SYNPO: variants seen among roughly 807,000 people sequenced by gnomAD.
SYNPO encodes synaptopodin.
In SYNPO, 19 loss-of-function variants were observed where a neutral mutation model predicts 49.5. That is an observed-to-expected ratio of 0.38 (90% confidence interval 0.27 to 0.56). SYNPO has a LOEUF of 0.56. Ranked by LOEUF, SYNPO falls within the 20% of genes least tolerant of loss-of-function variation. SYNPO has a pLI of 0.68. For synonymous variants in SYNPO, 536 were observed against 548.0 expected (o/e 0.98, Z 0.31); for missense variants, 1,131 against 1,248.3 (o/e 0.91, Z 1.42).
chr5:150,605,101 C>T (rs1474136196), intron 1 of SYNPO, among the ~76,000 whole-genome samples: 1 of 152,206 alleles, frequency 6.6e-6, no homozygotes, highest in African/African-American at 2.4e-5. Context: ...GCTCAATGAA[C>T]ACTCCTCTAG....
upstream of SYNPO, among the ~76,000 whole-genome samples, chr5:150,635,958 G>C (rs1230761146): frequency 6.6e-6 from 1 of 152,096 alleles, no homozygotes; most frequent in Non-Finnish European, 1.5e-5. Context: ...GATGGCTTTG[G>C]TTATCATATC....
chr5:150,630,876 C>G (rs150030067), intron 2 of SYNPO, among the ~76,000 whole-genome samples: 140 of 152,308 alleles, frequency 9.2e-4, no homozygotes, highest in African/African-American at 3.2e-3. Flanking sequence ...CTCTGGGCCT[C>G]AAACATTGAC....
At chr5:150,644,989 G>A (rs562743126) in intron 1 of SYNPO, among the ~76,000 whole-genome samples, 27 of 152,308 alleles carry the variant, frequency 1.8e-4, no homozygotes, top group African/African-American at 6.0e-4. Context: ...GAAGAAGGAG[G>A]TTGGGGCCAG....
the SYNPO span, among the ~76,000 whole-genome samples, chr5:150,588,469 C>T: frequency 2.0e-5 from 3 of 152,176 alleles, no homozygotes; most frequent in South Asian, 2.1e-4. Flanking sequence ...CTGTCCCCAC[C>T]CAGAGGAAAA....
At chr5:150,603,200 T>C (rs1756597203) in intron 1 of SYNPO, among the ~76,000 whole-genome samples, 2 of 152,250 alleles carry the variant, frequency 1.3e-5, no homozygotes, top group South Asian at 2.1e-4. Context: ...AAGTGCTTTG[T>C]CCGGCCTCAG....
At chr5:150,602,535 C>T (rs919747392) in intron 1 of SYNPO, among the ~76,000 whole-genome samples, 2 of 152,210 alleles carry the variant, frequency 1.3e-5, no homozygotes, top group African/African-American at 2.4e-5. Context: ...AGCCGGGGAT[C>T]AGGAGAAGAT....
intron 1 of SYNPO, among the ~76,000 whole-genome samples, chr5:150,605,137 C>A (rs1018360111): frequency 6.6e-6 from 1 of 152,184 alleles, no homozygotes; most frequent in East Asian, 1.9e-4. Flanking sequence ...GAGGCCTTTG[C>A]TCCTCAAATT....
Position 150,657,057 on chromosome 5 carries a change from C to T in SYNPO, c.2682C>T (p.Ser894=). Residue 894 remains serine (S), a synonymous_variant, in exon 3 of 3, where the codon AGC becomes AGT. Coordinates refer to ENST00000307662, the MANE Select transcript of SYNPO (RefSeq NM_007286.6). ...GCAGCCTTCGGCTCAAGCGTGGCAG[C>T]CTCCCCGCCGAGGCCTCCTGCACCA... is the stretch of plus-strand genomic sequence containing the variant. ...WNGSLRLKRG[S]LPAEASCTT is the part of the protein sequence containing the mutation. 1.3e-6 allele frequency: 2 copies of T among 1,595,386 alleles called. No individual in the cohort carries two copies.
At chr5:150,638,565 G>T (rs1451871956), upstream of SYNPO, among the ~76,000 whole-genome samples, 2 of 152,220 alleles carry the variant, frequency 1.3e-5, no homozygotes, top group Non-Finnish European at 2.9e-5. Flanking sequence ...CCCCTCCTGG[G>T]TGATGGCTTC....
intron 1 of SYNPO, among the ~76,000 whole-genome samples, chr5:150,614,317 T>C (rs1227668074): frequency 6.6e-6 from 1 of 152,142 alleles, no homozygotes; most frequent in East Asian, 1.9e-4. Flanking sequence ...GCAGAAGGGA[T>C]GCCAGGGCCC....
chr5:150,635,693 C>G, upstream of SYNPO, among the ~76,000 whole-genome samples: 1 of 152,184 alleles, frequency 6.6e-6, no homozygotes, highest in East Asian at 1.9e-4. Flanking sequence ...GAACTCCTGA[C>G]CTCAAGTGAT....
At chr5:150,652,483 C>T (rs942516416) in intron 2 of SYNPO, 15 of 870,566 alleles carry the variant, frequency 1.7e-5, no homozygotes, top group South Asian at 1.6e-4. Context: ...CTGCACCTGC[C>T]GTGTGTCTGG....
chr5:150,647,565 G>A (rs1333107778), intron 1 of SYNPO, among the ~76,000 whole-genome samples: 1 of 152,202 alleles, frequency 6.6e-6, no homozygotes, highest in East Asian at 1.9e-4. Context: ...AGCCAGTGTG[G>A]CAGAGCCTAG....
Position 150,649,617 on chromosome 5 carries a change from G to C in SYNPO, c.1342G>C (p.Val448Leu), listed in dbSNP as rs766296237. 6.2e-7 allele frequency: 1 copy of C among 1,609,200 alleles called. No homozygotes were observed. Among genetic ancestry groups the C allele is most frequent in the Non-Finnish European group, 8.5e-7 (1 of 1,179,502 alleles). ...DRASPAAAEE[V>L]VPEWASCLKS... is the part of the protein sequence containing the mutation. ...GGCCAGCCCCGCGGCGGCGGAGGAGGTGGTACCAGAGTGGGCCTCCTGCCT... is the reference window on the plus strand; with the variant it reads ...GGCCAGCCCCGCGGCGGCGGAGGAGCTGGTACCAGAGTGGGCCTCCTGCCT... The change falls in exon 2 of 3, where the codon GTG (valine) becomes CTG (leucine). Residue 448 changes from valine (V) to leucine (L), a missense_variant. By Grantham distance (32) the Val-to-Leu change is conservative (BLOSUM62 1). Transcript: ENST00000307662.
Position 150,656,529 on chromosome 5 carries a change from C to T in SYNPO, c.2154C>T (p.Ser718=), listed in dbSNP as rs1208286457. Residue 718 remains serine, a synonymous_variant, in exon 3 of 3, where the codon AGC becomes AGT. Coordinates refer to ENST00000307662, the MANE Select transcript of SYNPO (RefSeq NM_007286.6). ...WEPGRGSSMS[S]PPPLPPPPPM... is the part of the protein sequence containing the mutation. ...CAGGTCGCGGGAGCAGCATGAGCAG[C>T]CCCCCGCCGCTGCCGCCGCCACCGC... 1.6e-5 allele frequency: 25 copies of T among 1,528,484 alleles called. No individual in the cohort carries two copies. The highest frequency in any genetic ancestry group is 2.1e-5 in the Non-Finnish European group (24 of 1,144,056). The allele number at this position is 1,528,484 out of a possible 1,614,324, so 94.7% of individuals were successfully genotyped here.
chr5:150,591,465 A>G, the SYNPO span, among the ~76,000 whole-genome samples: 1 of 152,156 alleles, frequency 6.6e-6, no homozygotes, highest in Non-Finnish European at 1.5e-5. Flanking sequence ...GGGGCAGGGG[A>G]GGAAGGGACC....
At chr5:150,589,449 C>T in the SYNPO span, among the ~76,000 whole-genome samples, 1 of 152,194 alleles carries the variant, frequency 6.6e-6, no homozygotes, top group South Asian at 2.1e-4. Context: ...ACGCTCTGCA[C>T]GTCATTACCC....
chr5:150,591,154 C>G, the SYNPO span, among the ~76,000 whole-genome samples: 2 of 152,052 alleles, frequency 1.3e-5, no homozygotes, highest in Admixed American at 1.3e-4. Flanking sequence ...CCCTGACTCC[C>G]GGAGGCAGCC....
Position 150,650,214 on chromosome 5 carries a change from C to T in SYNPO, c.1939C>T (p.Pro647Ser), listed in dbSNP as rs527818882. ...VSPPYGGDIS[P>S]VSPSRAWSPR... ...CCCTCCTTACGGCGGTGACATCTCC[C>T]CCGTGTCTCCCTCCAGGGCGTGGTC... The change falls in exon 2 of 3, where the codon CCC becomes TCC. Residue 647 changes from proline to serine, a missense_variant. Around this residue, in one of 4 missense-constraint regions of SYNPO, gnomAD observed 509 missense variants for 484.5 expected, o/e 1.05. Transcript: ENST00000307662. 5.6e-4 allele frequency: 902 copies of T among 1,613,978 alleles called. 13 individuals are homozygous for T. In the South Asian group the frequency reaches 9.2e-3, roughly 16 times the overall value.
Sources: gnomAD v4.1 joint callset for allele counts (sites outside exome capture counted in the v4.1 genomes callset) on GRCh38, gnomAD v4.1.1 for gene constraint, gnomAD v4.1.1 regional missense constraint, MANE v1.5 for transcripts, NCBI Gene and HGNC (gene_info 2026-07-23, HGNC 2026-07-21) for gene names.